Variants in USP53 observed in about 807,000 individuals in gnomAD.
The protein encoded by USP53 is ubiquitin specific peptidase 53.
In USP53, 71 loss-of-function variants were observed where a neutral mutation model predicts 94.9. That is an observed-to-expected ratio of 0.75 (90% CI 0.62 to 0.91). The LOEUF is 0.91. USP53 is among the 40% of genes least tolerant of loss of function. The pLI, the probability that USP53 is intolerant of heterozygous loss-of-function variation, is 0.00. For missense variants in USP53, 1,173 were observed against 1,281.0 expected (o/e 0.92, Z 1.29); for synonymous variants, 375 against 422.7 (o/e 0.89, Z 1.39).
Position 119,239,697 on chromosome 4 carries a change from T to C in USP53, c.-63T>C. 6.6e-7 allele frequency: 1 copy of C among 1,516,826 alleles called. No individual in the cohort carries two copies. Among genetic ancestry groups the C allele is most frequent in the Non-Finnish European group, 8.8e-7 (1 of 1,130,700 alleles). 94.0% of individuals were successfully genotyped at this position (1,516,826 alleles called of 1,614,324 possible). A position where few individuals can be genotyped will look rare whatever the true frequency, so the allele number is the denominator to read the frequency against. On this transcript the variant is annotated 5_prime_UTR_variant, in exon 5 of 19. Coordinates refer to ENST00000692078, the MANE Select transcript of USP53 (RefSeq NM_001371395.1). ...GGACAATTCAAGACATCCATTTTAT[T>C]GTCCAAAATATTACATAAAAGTGTA...
At chr4:119,239,066 A>C (rs1747177707) in intron 4 of USP53, 152 bp from the exon 5 acceptor site, 1 of 152,168 alleles carries the variant, frequency 6.6e-6, no homozygotes, top group African/African-American at 2.4e-5. Context: ...TAAATGATGA[A>C]ATTTTTAAAA....
rs758746465 is a variant in USP53 at position 119,239,829 on chromosome 4, C to G, written c.70C>G (p.Leu24Val). ...AAAAGTTTATCAGCCTGGAAGTATG[C>G]TATCACTAGCCCCTACCAAAGGCTT... ...LGKVYQPGSM[L>V]SLAPTKGLLN... The change falls in exon 5 of 19, where the codon CTA (leucine) becomes GTA (valine). Residue 24 changes from leucine (L) to valine (V), a missense_variant. Physicochemically the swap from Leu to Val is conservative, Grantham distance 32. Coordinates refer to ENST00000692078, the MANE Select transcript of USP53 (RefSeq NM_001371395.1). The G allele has an allele frequency of 6.2e-7, 1 of 1,613,092 alleles. No homozygotes were observed. Among genetic ancestry groups the G allele is most frequent in the South Asian group, 1.1e-5 (1 of 90,906 alleles).
chr4:119,273,513 A>C, intron 16 of USP53, 119 bp from the exon 17 acceptor site: 2 of 629,348 alleles, frequency 3.2e-6, no homozygotes, highest in East Asian at 5.6e-5. Flanking sequence ...AATAATGTAC[A>C]TTAAGCCCTA....
chr4:119,271,725 A>T lies in USP53; in HGVS notation c.1865A>T (p.Asp622Val). The change falls in exon 16 of 19, where the codon GAT becomes GTT. Residue 622 changes from aspartate to valine, a missense_variant. Coordinates refer to ENST00000692078, the MANE Select transcript of USP53 (RefSeq NM_001371395.1). ...NISNKPKSSKDPSFSNWPKEN... is the reference protein window; with the variant it reads ...NISNKPKSSKVPSFSNWPKEN... ...AGTAATAAGCCTAAATCTAGCAAGG[A>T]TCCGAGTTTTAGTAATTGGCCAAAA... is the stretch of plus-strand genomic sequence containing the variant. The T allele has an allele frequency of 6.2e-7, 1 of 1,614,104 alleles. No individual in the cohort carries two copies. Among genetic ancestry groups the T allele is most frequent in the Non-Finnish European group, 8.5e-7 (1 of 1,180,026 alleles).
chr4:119,234,914 C>A (rs1448088880), intron 3 of USP53, among the ~76,000 whole-genome samples: 2 of 152,138 alleles, frequency 1.3e-5, no homozygotes, highest in African/African-American at 4.8e-5. Context: ...ATTTTTGATC[C>A]CTGGTTCTTG....
chr4:119,269,839 TA>T lies in USP53; in HGVS notation c.1435+4del. ...GAAAAGATTTAGGACGACATAGAGG[TA>T]AGTTAAGATCTTGTACTATTGATTT... On this transcript the variant is annotated splice_donor_region_variant and intron_variant, in intron 15 of 18. Coordinates refer to ENST00000692078, the MANE Select transcript of USP53 (RefSeq NM_001371395.1). The T allele has an allele frequency of 7.0e-7, 1 of 1,437,618 alleles. No homozygotes were observed. 89.1% of individuals were successfully genotyped at this position (1,437,618 alleles called of 1,614,324 possible). A position where few individuals can be genotyped will look rare whatever the true frequency, so the allele number is the denominator to read the frequency against.
chr4:119,249,645 G>GTT (rs1047709892), intron 7 of USP53, among the ~76,000 whole-genome samples: 2 of 141,954 alleles, frequency 1.4e-5, no homozygotes, highest in African/African-American at 5.2e-5. Context: ...CATTCAACCT[G>GTT]TTTATTTATG....
chr4:119,280,390 G>T (rs759661395), intron 17 of USP53, among the ~76,000 whole-genome samples: 5 of 151,984 alleles, frequency 3.3e-5, no homozygotes, highest in African/African-American at 4.8e-5. Context: ...TTAACAGAAG[G>T]TATATTTCTA....
intron 7 of USP53, among the ~76,000 whole-genome samples, chr4:119,253,366 A>C (rs1373173441): frequency 6.6e-6 from 1 of 152,036 alleles, no homozygotes; most frequent in Non-Finnish European, 1.5e-5. Flanking sequence ...CCCTTTGTAG[A>C]AATCTAAGGA....
At position 119,293,211 on chromosome 4, in the gene USP53, G is replaced by A; in HGVS notation, c.3222G>A (p.Ter1074=). The change falls in exon 19 of 19, where the codon TAG becomes TAA. Residue 1074 remains the stop codon, a stop_retained_variant. Transcript: ENST00000692078. ...GCTTTTGTAATAATTCACTATCTTA[G>A]AGTGAAAAAGGACTAGACCTGTGTT... ...SSGFCNNSLS[*] The A allele has an allele frequency of 1.3e-6, 2 of 1,582,914 alleles. No homozygotes were observed. The highest frequency in any genetic ancestry group is 1.2e-5 in the South Asian group (1 of 86,330).
At chr4:119,246,635 A>G (rs1239904989) in intron 6 of USP53, among the ~76,000 whole-genome samples, 5 of 152,220 alleles carry the variant, frequency 3.3e-5, no homozygotes, top group African/African-American at 9.6e-5. Context: ...GTAGGGCCTT[A>G]TAGGCCTCTG....
chr4:119,216,424 A>C (rs181656366), intron 2 of USP53, among the ~76,000 whole-genome samples: 4 of 151,676 alleles, frequency 2.6e-5, no homozygotes, highest in Non-Finnish European at 5.9e-5. Flanking sequence ...CTGAAAACTT[A>C]TACTTTGGTT....
chr4:119,272,661 CA>C (rs1752021925), intron 16 of USP53: 1 of 152,360 alleles, frequency 6.6e-6, no homozygotes, highest in Non-Finnish European at 1.5e-5. Flanking sequence ...CTTGGCCTCC[CA>C]AAGTGCTGGG....
intron 18 of USP53, 60 bp downstream of exon 18, chr4:119,291,321 C>A: frequency 9.6e-7 from 1 of 1,039,032 alleles, no homozygotes; most frequent in Non-Finnish European, 1.4e-6. Context: ...ATCAGAAGGG[C>A]ATAAATACAT....
chr4:119,265,670 A>AAACAACAACAACAAC (rs56113456), intron 12 of USP53, among the ~76,000 whole-genome samples: 1,915 of 150,516 alleles, frequency 0.013, 46 homozygotes, highest in African/African-American at 0.043. Context: ...CCTTTTCTCA[A>AAACAACAACAACAAC]AACAACAACA....
intron 13 of USP53, 27 bp from the exon 14 acceptor site, chr4:119,268,241 T>C: frequency 6.4e-7 from 1 of 1,567,544 alleles, no homozygotes; most frequent in Non-Finnish European, 8.6e-7. Flanking sequence ...AGGAAAGGAA[T>C]GATACATTTT....
At chr4:119,228,473 A>T (rs558861524) in intron 3 of USP53, among the ~76,000 whole-genome samples, 1 of 152,294 alleles carries the variant, frequency 6.6e-6, no homozygotes, top group African/African-American at 2.4e-5. Flanking sequence ...TTTTAGGTCA[A>T]CTGCGCCATA....
intron 5 of USP53, among the ~76,000 whole-genome samples, chr4:119,243,226 A>G (rs748305167): frequency 6.6e-6 from 1 of 152,210 alleles, no homozygotes; most frequent in Non-Finnish European, 1.5e-5. Flanking sequence ...GACCAGGAAC[A>G]GTGGCTTACA....
rs1253889352 is a variant in USP53, at chr4:119,293,027, C to G, written c.3038C>G (p.Ala1013Gly). 6.2e-7 allele frequency: 1 copy of G among 1,613,978 alleles called. No individual in the cohort carries two copies. Among genetic ancestry groups the G allele is most frequent in the African/African-American group, 1.3e-5 (1 of 74,922 alleles). ...AACGATTTTCAGGCAAACTCAGGTG[C>G]CATTGATGCATTTTGCCAACCAGAA... The part of the protein sequence containing the change: ...STNDFQANSG[A>G]IDAFCQPELD... The change falls in exon 19 of 19, where the codon GCC becomes GGC. Residue 1013 changes from alanine to glycine, a missense_variant. Coordinates refer to ENST00000692078, the MANE Select transcript of USP53 (RefSeq NM_001371395.1).
Sources: allele counts gnomAD v4.1 joint callset (sites outside exome capture counted in the v4.1 genomes callset), GRCh38; gene constraint gnomAD v4.1.1; transcripts MANE v1.5; gene names NCBI Gene and HGNC (gene_info 2026-07-23, HGNC 2026-07-21).